Variants in PHTF2 observed in about 807,000 individuals in gnomAD.
The protein encoded by PHTF2 is putative homeodomain transcription factor 2.
In PHTF2, 60 loss-of-function variants were observed where a neutral mutation model predicts 101.2. That is an observed-to-expected ratio of 0.59 (90% CI 0.48 to 0.73). PHTF2 has a LOEUF of 0.73. Ranked by LOEUF, PHTF2 falls within the 30% of genes least tolerant of loss-of-function variation. The pLI, the probability that PHTF2 is intolerant of heterozygous loss-of-function variation, is 0.00. For missense variants in PHTF2, 747 were observed against 908.7 expected (o/e 0.82, Z 2.29); for synonymous variants, 311 against 307.3 (o/e 1.01, Z -0.13).
At chr7:77,902,874 A>G (rs960847068) in intron 7 of PHTF2, among the ~76,000 whole-genome samples, 2 of 152,188 alleles carry the variant, frequency 1.3e-5, no homozygotes, top group Non-Finnish European at 1.5e-5. Context: ...TACATCTTAT[A>G]TACATAAAAG....
At chr7:77,850,001 T>TTC (rs3084624) in intron 2 of PHTF2, among the ~76,000 whole-genome samples, 89,240 of 151,524 alleles carry the variant, frequency 0.59, 28,440 homozygotes, top group African/African-American at 0.85. Context: ...TTGTATTTCC[T>TTC]TCTTGTCTGA....
chr7:77,899,049 A>G (rs1801138489), intron 5 of PHTF2, among the ~76,000 whole-genome samples: 1 of 152,088 alleles, frequency 6.6e-6, no homozygotes, highest in Admixed American at 6.6e-5. Context: ...TGATCCGCCC[A>G]CCTTGGCCCC....
At chr7:77,896,489 G>T (rs994232319) in intron 5 of PHTF2, among the ~76,000 whole-genome samples, 1 of 152,146 alleles carries the variant, frequency 6.6e-6, no homozygotes, top group African/African-American at 2.4e-5. Context: ...AGGAGTTCGA[G>T]GCTGTAGTGA....
intron 16 of PHTF2, among the ~76,000 whole-genome samples, chr7:77,946,911 C>T (rs1806093872): frequency 6.7e-6 from 1 of 148,776 alleles, no homozygotes; most frequent in Non-Finnish European, 1.5e-5. Flanking sequence ...CCCTTGAGCC[C>T]AGGAGTTCAA....
chr7:77,897,748 G>A (rs546989066), intron 5 of PHTF2, among the ~76,000 whole-genome samples: 162 of 151,898 alleles, frequency 1.1e-3, no homozygotes, highest in African/African-American at 3.7e-3. Context: ...AGATTTGATC[G>A]CAACTCACTG....
chr7:77,834,853 G>C (rs1795330128), intron 1 of PHTF2, among the ~76,000 whole-genome samples: 3 of 152,176 alleles, frequency 2.0e-5, no homozygotes, highest in Admixed American at 2.0e-4. Context: ...TTTTCCTTAA[G>C]AGTGTTTACA....
chr7:77,812,374 T>TC (rs995137969), intron 1 of PHTF2, among the ~76,000 whole-genome samples: 3 of 152,160 alleles, frequency 2.0e-5, no homozygotes, highest in Admixed American at 2.0e-4. Flanking sequence ...TAAAATGACT[T>TC]GAATACCTCA....
At chr7:77,945,921 A>C (rs1251034551) in intron 16 of PHTF2, among the ~76,000 whole-genome samples, 1 of 152,212 alleles carries the variant, frequency 6.6e-6, no homozygotes, top group Non-Finnish European at 1.5e-5. Flanking sequence ...TCCTAAACTT[A>C]CACAAAAGAT....
In PHTF2 at chr7:77,910,421, T is replaced by A. The variant is rs368879438; in HGVS notation, c.776+12T>A. ...TTCTTTTTATCAGGGTTTGTATTTA[T>A]TTAAGGTTTTATATGGCATAGAGAT... On this transcript the variant is annotated intron_variant, in intron 9 of 19. Coordinates refer to ENST00000416283, the Ensembl canonical transcript of PHTF2. The A allele has an allele frequency of 2.5e-6, 4 of 1,603,086 alleles. No homozygotes were observed. Among genetic ancestry groups the A allele is most frequent in the African/African-American group, 1.3e-5 (1 of 74,660 alleles).
chr7:77,889,590 T>C (rs991324718), intron 3 of PHTF2, among the ~76,000 whole-genome samples: 2 of 151,092 alleles, frequency 1.3e-5, no homozygotes, highest in Non-Finnish European at 2.9e-5. Context: ...TTTTTTTTTT[T>C]TTCCTTTTTT....
At chr7:77,844,883 A>G (rs538487340) in intron 2 of PHTF2, among the ~76,000 whole-genome samples, 47 of 152,334 alleles carry the variant, frequency 3.1e-4, no homozygotes, top group Non-Finnish European at 5.6e-4. Flanking sequence ...TTAATATCCA[A>G]TTTTAAACTT....
chr7:77,812,278 AT>A (rs1793501999), intron 1 of PHTF2, among the ~76,000 whole-genome samples: 1 of 152,258 alleles, frequency 6.6e-6, no homozygotes, highest in South Asian at 2.1e-4. Context: ...AGAGTATGTA[AT>A]TAATACAGAT....
rs57283892 is a variant in PHTF2, at chr7:77,841,075, CTTTTTT to C, written c.45+790_45+795del. ...TTTCTTATATAGGAGAAAAAACAGA[CTTTTTT>C]TTTTTTTTTTTTTTGAGATGGAATC... On this transcript the variant is annotated intron_variant, in intron 2 of 19. Transcript: ENST00000416283. 6.5e-5 allele frequency among the ~76,000 whole-genome samples: 5 copies of C among 77,286 alleles called. 1 individual carries two copies. The highest frequency in any genetic ancestry group is 3.4e-4 in the African/African-American group (5 of 14,890). The allele number at this position is 77,286 out of a possible 152,430, so 50.7% of individuals were successfully genotyped here.
intron 16 of PHTF2, among the ~76,000 whole-genome samples, chr7:77,947,826 C>CTTTCTT (rs1562976127): frequency 8.1e-5 from 7 of 86,942 alleles, no homozygotes; most frequent in African/African-American, 2.8e-4. Context: ...TTTCTTTTTT[C>CTTTCTT]TTTTTTCTTT....
chr7:77,854,870 C>G (rs1035026883), intron 3 of PHTF2: 1 of 742,576 alleles, frequency 1.3e-6, no homozygotes. Flanking sequence ...CTGTTCAGGG[C>G]AGCAGGCTTT....
chr7:77,832,039 T>A (rs1795115398), intron 1 of PHTF2, among the ~76,000 whole-genome samples: 1 of 152,118 alleles, frequency 6.6e-6, no homozygotes, highest in Admixed American at 6.6e-5. Context: ...AGAGATTTTT[T>A]TTTTTTTTTT....
chr7:77,823,264 A>C (rs950536705), intron 1 of PHTF2, among the ~76,000 whole-genome samples: 25 of 151,386 alleles, frequency 1.7e-4, no homozygotes, highest in African/African-American at 5.8e-4. Context: ...CTCTGTCGCC[A>C]GGCTGGAGTG....
intron 1 of PHTF2, among the ~76,000 whole-genome samples, chr7:77,828,385 T>G (rs1247623749): frequency 6.6e-6 from 1 of 152,234 alleles, no homozygotes; most frequent in Admixed American, 6.5e-5. Context: ...TCTGTGGTGG[T>G]ACTTTGGTTG....
chr7:77,839,925 G>A (rs910099764), intron 1 of PHTF2, among the ~76,000 whole-genome samples: 5 of 151,912 alleles, frequency 3.3e-5, no homozygotes, highest in African/African-American at 1.2e-4. Context: ...AACAATTTCT[G>A]GTATAACCTA....
Sources: allele counts gnomAD v4.1 joint callset (sites outside exome capture counted in the v4.1 genomes callset), GRCh38; gene constraint gnomAD v4.1.1; transcripts MANE v1.5; gene names NCBI Gene and HGNC (gene_info 2026-07-23, HGNC 2026-07-21).